Variants in RIMS2 observed in about 807,000 individuals in gnomAD.
RIMS2 encodes regulating synaptic membrane exocytosis protein 2.
Under a neutral mutation model 174.4 loss-of-function variants are expected in RIMS2, and 59 were observed. The ratio of observed to expected loss-of-function variants is 0.34; its 90% CI spans 0.27 to 0.42. The LOEUF (loss-of-function observed/expected upper bound fraction) is 0.42. Among genes scored for constraint, RIMS2 ranks in the 10% least tolerant of loss-of-function variants. RIMS2 has a pLI of 1.00. For missense variants in RIMS2, 1,620 were observed against 1,666.3 expected, an observed-to-expected ratio of 0.97 and a Z score of 0.48; for synonymous variants, 606 against 572.5, an observed-to-expected ratio of 1.06 and a Z score of -0.84.
At chr8:103,942,589 A>G (rs1430133419) in intron 13 of RIMS2, among the ~76,000 whole-genome samples, 184 bp from the exon 16 acceptor site, 2 of 152,180 alleles carry the variant, frequency 1.3e-5, no homozygotes, top group African/African-American at 4.8e-5. Flanking sequence ...TTAAATCACT[A>G]AGAAGTTATA....
At chr8:103,618,027 A>G (rs2095546142) in intron 1 of RIMS2, among the ~76,000 whole-genome samples, 1 of 152,188 alleles carries the variant, frequency 6.6e-6, no homozygotes, top group South Asian at 2.1e-4. Context: ...CTGTAAAGAC[A>G]CAGGTATGCA....
chr8:104,149,894 T>C (rs1203835150), intron 19 of RIMS2, among the ~76,000 whole-genome samples: 3 of 152,188 alleles, frequency 2.0e-5, no homozygotes, highest in African/African-American at 7.2e-5. Flanking sequence ...TTTTATATTC[T>C]GGTTGTAACT....
chr8:103,921,194 GC>G (rs2077589593), intron 9 of RIMS2, among the ~76,000 whole-genome samples: 1 of 151,736 alleles, frequency 6.6e-6, no homozygotes, highest in Admixed American at 6.6e-5. Context: ...TTTTTTTCAT[GC>G]CCCTCACTTC....
At chr8:103,661,773 A>G (rs1406224868) in intron 1 of RIMS2, among the ~76,000 whole-genome samples, 2 of 152,194 alleles carry the variant, frequency 1.3e-5, no homozygotes, top group Admixed American at 6.5e-5. Flanking sequence ...CCAACGTGCT[A>G]GGATTACAGG....
chr8:103,740,875 C>T (rs965120008), intron 2 of RIMS2, among the ~76,000 whole-genome samples: 1 of 151,814 alleles, frequency 6.6e-6, no homozygotes, highest in South Asian at 2.1e-4. Flanking sequence ...GTTTTCTTTC[C>T]TTGTTTTTTA....
At chr8:103,976,991 G>A (rs532645397) in intron 16 of RIMS2, 2 of 152,252 alleles carry the variant, frequency 1.3e-5, no homozygotes, top group South Asian at 4.2e-4. Flanking sequence ...CAAGAAATAT[G>A]TGCATAATTT....
Position 104,020,123 on chromosome 8 carries a change from G to A in RIMS2, c.3334+5508G>A, listed in dbSNP as rs150935560. 2.6e-4 allele frequency among the ~76,000 whole-genome samples: 40 copies of A among 151,974 alleles called. No individual in the cohort carries two copies. The East Asian group carries it at 6.4e-3, about 24-fold the overall frequency. ...TTTTTTTACTTTTCCTATGAGATAG[G>A]AAGTATATACTTTTCTCTTGTGTTC... On this transcript the variant is annotated intron_variant, in intron 19 of 23. Transcript: ENST00000504942.
At chr8:104,191,894 C>T (rs531096361) in intron 19 of RIMS2, among the ~76,000 whole-genome samples, 14 of 152,190 alleles carry the variant, frequency 9.2e-5, no homozygotes, top group Admixed American at 6.5e-4. Context: ...CAGAAGCCTC[C>T]GTGCCCAGTC....
chr8:104,100,837 A>ATATATAT, intron 19 of RIMS2, among the ~76,000 whole-genome samples: 1 of 140,070 alleles, frequency 7.1e-6, no homozygotes, highest in Non-Finnish European at 1.5e-5. Context: ...GTAATATATA[A>ATATATAT]TATATATGTA....
At chr8:103,907,524 CT>C (rs912441308) in intron 4 of RIMS2, among the ~76,000 whole-genome samples, 4 of 151,594 alleles carry the variant, frequency 2.6e-5, no homozygotes, top group African/African-American at 7.2e-5. Context: ...TCCTTCCTTC[CT>C]TTTTTTTCTC....
chr8:103,581,957 AG>A (rs2093644505), intron 1 of RIMS2, among the ~76,000 whole-genome samples: 1 of 152,216 alleles, frequency 6.6e-6, no homozygotes, highest in African/African-American at 2.4e-5. Flanking sequence ...TGGTGCAGCC[AG>A]GGGAATGTAA....
intron 19 of RIMS2, among the ~76,000 whole-genome samples, chr8:104,096,006 T>C (rs184713772): frequency 5.9e-5 from 9 of 152,332 alleles, no homozygotes; most frequent in African/African-American, 1.9e-4. Flanking sequence ...TATTTTATTA[T>C]TTGAATCTAA....
intron 1 of RIMS2, among the ~76,000 whole-genome samples, chr8:103,642,691 G>C (rs550045542): frequency 1.3e-5 from 2 of 152,056 alleles, no homozygotes; most frequent in East Asian, 1.9e-4. Context: ...ATTTGACTGA[G>C]TGTAGACCTA....
chr8:103,699,101 T>C (rs1289819948), intron 2 of RIMS2, among the ~76,000 whole-genome samples: 1 of 152,232 alleles, frequency 6.6e-6, no homozygotes, highest in Non-Finnish European at 1.5e-5. Flanking sequence ...TAGTTCCTCA[T>C]AAATAGCTGA....
chr8:103,604,138 C>T lies in RIMS2; in HGVS notation c.177-92948C>T, dbSNP rs941332814. Among the ~76,000 whole-genome samples, 220 of 149,452 alleles carry T rather than the reference C, an allele frequency of 1.5e-3. 1 individual carries two copies. Among genetic ancestry groups the T allele is most frequent in the African/African-American group, 4.5e-3 (183 of 40,388 alleles). The stretch of plus-strand genomic sequence containing the variant: ...AGGGTTTTTCTGGTTTTAGGTCTAA[C>T]GTTTAAGTCTTTAATCCATCTTGAA... On this transcript the variant is annotated intron_variant, in intron 1 of 23. Transcript: ENST00000504942.
chr8:104,077,027 C>T (rs1566213364), intron 19 of RIMS2, among the ~76,000 whole-genome samples: 1 of 151,788 alleles, frequency 6.6e-6, no homozygotes. Flanking sequence ...ACCACGTTGG[C>T]CAGGCTGGTT....
intron 4 of RIMS2, among the ~76,000 whole-genome samples, chr8:103,905,430 T>C (rs2074164932): frequency 6.6e-6 from 1 of 152,174 alleles, no homozygotes; most frequent in Non-Finnish European, 1.5e-5. Context: ...TTGGCCTCTG[T>C]TTCTGATGAG....
chr8:103,875,269 C>T (rs1450563594), intron 3 of RIMS2, among the ~76,000 whole-genome samples: 16 of 151,766 alleles, frequency 1.1e-4, no homozygotes, highest in Non-Finnish European at 1.9e-4. Flanking sequence ...TCACTCGCAT[C>T]TCACTCTCCC....
chr8:103,567,289 C>G (rs1441602597), intron 1 of RIMS2, among the ~76,000 whole-genome samples: 1 of 152,104 alleles, frequency 6.6e-6, no homozygotes, highest in South Asian at 2.1e-4. Flanking sequence ...CAAAAGGAAA[C>G]CCTGTATTCA....
Sources: allele counts gnomAD v4.1 joint callset (sites outside exome capture counted in the v4.1 genomes callset), GRCh38; gene constraint gnomAD v4.1.1; transcripts MANE v1.5; gene names NCBI Gene and HGNC (gene_info 2026-07-23, HGNC 2026-07-21).